TMEM94: variants seen among roughly 807,000 people sequenced by gnomAD.
The protein encoded by TMEM94 is ER Mg2+ ATPase.
Under a neutral mutation model 158.6 loss-of-function variants are expected in TMEM94, and 81 were observed. The ratio of observed to expected loss-of-function variants is 0.51; its 90% confidence interval spans 0.43 to 0.61. The LOEUF is 0.61. TMEM94 is among the 20% of genes least tolerant of loss of function. TMEM94 has a pLI of 0.00. For synonymous variants in TMEM94, 751 were observed against 730.7 expected (o/e 1.03, Z -0.45); for missense variants, 1,435 against 1,762.0 (o/e 0.81, Z 3.32).
chr17:75,459,064 AAAAAAC>A (rs1390532123), intron 1 of TMEM94, among the ~76,000 whole-genome samples: 1 of 151,930 alleles, frequency 6.6e-6, no homozygotes, highest in Non-Finnish European at 1.5e-5. Flanking sequence ...CTCAAAAAAA[AAAAAAC>A]AAAAAAAACA....
At chr17:75,474,486 CA>C (rs2050603304) in intron 2 of TMEM94, among the ~76,000 whole-genome samples, 1 of 152,050 alleles carries the variant, frequency 6.6e-6, no homozygotes, top group South Asian at 2.1e-4. Context: ...ACTAAAAATA[CA>C]AAAATTAGCC....
Position 75,489,700 on chromosome 17 carries a change from C to T in TMEM94, c.954+38C>T, listed in dbSNP as rs8079362. On this transcript the variant is annotated intron_variant, in intron 9 of 31. Coordinates refer to ENST00000314256, the MANE Select transcript of TMEM94 (RefSeq NM_014738.6). This position sits in a 1 kb window ranked among gnomAD's most constrained non-coding sequence, Gnocchi z 5.0. ...CTGTCCTCTCTGTCATGCTTCCCTC[C>T]GACCCGCAGGGCTGGCTCTTCTCCT... The T allele has an allele frequency of 0.64, 997,439 of 1,551,712 alleles. 333,350 individuals are homozygous for T. Among genetic ancestry groups the T allele is most frequent in the Non-Finnish European group, 0.69 (773,462 of 1,124,554 alleles).
In TMEM94 at chr17:75,488,811, C is replaced by G. The variant is rs2051865999; in HGVS notation, c.665C>G (p.Pro222Arg). ...EPGDLFPPFSPPPSPRGEVER... is the reference protein window; with the variant it reads ...EPGDLFPPFSRPPSPRGEVER... Reference sequence around the variant, plus strand: ...GGAGACCTCTTCCCCCCCTTCTCCCCTCCACCCTCACCCCGGGGAGAAGTG... The same window carrying G: ...GGAGACCTCTTCCCCCCCTTCTCCCGTCCACCCTCACCCCGGGGAGAAGTG... The change falls in exon 7 of 32, where the codon CCT becomes CGT. Residue 222 changes from proline to arginine, a missense_variant. Physicochemically the swap from Pro to Arg is moderately radical, Grantham distance 103 (BLOSUM62 -2). Around this residue, in one of 3 missense-constraint regions of TMEM94, gnomAD observed 1,051 missense variants for 1,254.4 expected, o/e 0.84. Coordinates refer to ENST00000314256, the MANE Select transcript of TMEM94 (RefSeq NM_014738.6). 3.1e-6 allele frequency: 5 copies of G among 1,613,392 alleles called. No individual in the cohort carries two copies. Among genetic ancestry groups the G allele is most frequent in the Non-Finnish European group, 4.2e-6 (5 of 1,179,658 alleles).
chr17:75,488,718 T>C (rs773065428), intron 6 of TMEM94, 41 bp from the exon 7 acceptor site: 1 of 1,609,614 alleles, frequency 6.2e-7, no homozygotes, highest in East Asian at 2.2e-5. Context: ...TGGCCTCTGA[T>C]AGGACCCTCT....
rs1407062069 is a variant in TMEM94, at chr17:75,495,090, C to T, written c.2728+56C>T. ...GTGGCGGTGGGAGGATTCCCCTCCT[C>T]AGAGCCACAGCCAGGAAGAGCCTCC... On this transcript the variant is annotated intron_variant, in intron 20 of 31. Transcript: ENST00000314256. The surrounding 1 kb of genome is among the most constrained non-coding windows in gnomAD (Gnocchi z 5.6). 2 of 1,590,416 alleles carry T rather than the reference C, an allele frequency of 1.3e-6. No individual in the cohort carries two copies. The highest frequency in any genetic ancestry group is 4.5e-5 in the East Asian group (2 of 44,574).
At chr17:75,486,217 G>A in intron 4 of TMEM94, 73 bp from the exon 5 acceptor site, 1 of 1,592,734 alleles carries the variant, frequency 6.3e-7, no homozygotes, top group Non-Finnish European at 8.6e-7. Context: ...GGGAAGGGGA[G>A]CTGTGGCCTG....
chr17:75,488,862 A>G lies in TMEM94; in HGVS notation c.716A>G (p.Gln239Arg). Reference sequence around the variant, plus strand: ...GAGAGAGGGCCACAGAGCCCCCAGCAGCACCGGCTTTTCCGTGTCCTTGAG... The same window carrying G: ...GAGAGAGGGCCACAGAGCCCCCAGCGGCACCGGCTTTTCCGTGTCCTTGAG... Reference protein sequence around the residue: ...EVERGPQSPQQHRLFRVLETP... With the variant: ...EVERGPQSPQRHRLFRVLETP... Residue 239 changes from glutamine (Q) to arginine (R), a missense_variant, in exon 7 of 32, where the codon CAG (glutamine) becomes CGG (arginine). Gln to Arg is a conservative substitution (Grantham distance 43). Transcript: ENST00000314256. The G allele has an allele frequency of 1.9e-6, 3 of 1,611,706 alleles. No individual in the cohort carries two copies. Among genetic ancestry groups the G allele is most frequent in the Non-Finnish European group, 2.5e-6 (3 of 1,178,456 alleles).
At chr17:75,488,592 T>G (rs12453793) in intron 6 of TMEM94, among the ~76,000 whole-genome samples, 167 bp from the exon 7 acceptor site, 2 of 152,166 alleles carry the variant, frequency 1.3e-5, no homozygotes, top group Non-Finnish European at 2.9e-5. Flanking sequence ...CCCTGTGCTG[T>G]TCTTTATTCT....
chr17:75,480,852 G>A (rs536989753), intron 2 of TMEM94, among the ~76,000 whole-genome samples: 2 of 152,298 alleles, frequency 1.3e-5, no homozygotes, highest in African/African-American at 2.4e-5. Context: ...CCTGCCTTCA[G>A]TGTGTTTCTC....
At position 75,497,739 on chromosome 17, in the gene TMEM94, G is replaced by A. The variant is rs754041728; in HGVS notation, c.3408-42G>A. On this transcript the variant is annotated intron_variant, in intron 26 of 31. Transcript: ENST00000314256. ...CCCTCTATGAGAATTGAGGGACAGA[G>A]GGTCATTGTCACCATCCCTCTACCT... The A allele has an allele frequency of 3.3e-6, 5 of 1,517,962 alleles. No homozygotes were observed. In the East Asian group the frequency reaches 6.7e-5, roughly 20 times the overall value. 94.0% of individuals were successfully genotyped at this position (1,517,962 alleles called of 1,614,324 possible). A position where few individuals can be genotyped will look rare whatever the true frequency, so the allele number is the denominator to read the frequency against.
intron 10 of TMEM94, 67 bp downstream of exon 10, chr17:75,490,417 G>A: frequency 6.5e-7 from 1 of 1,548,478 alleles, no homozygotes; most frequent in South Asian, 1.2e-5. Context: ...TGTGCCAGAG[G>A]ACGGGGGCAG....
In TMEM94 at chr17:75,495,246, C is replaced by A; in HGVS notation, c.2729-38C>A. The A allele has an allele frequency of 6.6e-7, 1 of 1,520,968 alleles. No homozygotes were observed. Among genetic ancestry groups the A allele is most frequent in the Non-Finnish European group, 9.0e-7 (1 of 1,113,278 alleles). The allele number at this position is 1,520,968 out of a possible 1,614,324, so 94.2% of individuals were successfully genotyped here. A position where few individuals can be genotyped will look rare whatever the true frequency, so the allele number is the denominator to read the frequency against. On this transcript the variant is annotated intron_variant, in intron 20 of 31. Coordinates refer to ENST00000314256, the MANE Select transcript of TMEM94 (RefSeq NM_014738.6). This position sits in a 1 kb window ranked among gnomAD's most constrained non-coding sequence, Gnocchi z 5.6. ...AGGGCAAGGACAGGTTCCCAGAAGG[C>A]TGGTCCCAAGGTGAGGGAGAGGCTT...
chr17:75,465,679 ATT>A (rs66618031), intron 1 of TMEM94, among the ~76,000 whole-genome samples: 2,393 of 124,760 alleles, frequency 0.019, 45 homozygotes, highest in Non-Finnish European at 0.028. Context: ...ATATATATAT[ATT>A]TTTTTTTAAT....
chr17:75,498,662 AGCCCCTGTGGAGAAAGAG>A lies in TMEM94; in HGVS notation c.3768_3785del (p.Lys1256_Ser1262delinsAsn). On this transcript the variant is annotated inframe_deletion, in exon 30 of 32. Transcript: ENST00000314256. The surrounding 1 kb of genome is among the most constrained non-coding windows in gnomAD (Gnocchi z 6.7). Reference sequence around the variant, plus strand: ...TCCATCACCCATGTGCATCGCACCAAGCCCCTGTGGAGAAAGAGCCCCTTGACCAACCTCTGGTGGGCC... The same window carrying A: ...TCCATCACCCATGTGCATCGCACCAACCCCTTGACCAACCTCTGGTGGGCC... 6.2e-7 allele frequency: 1 copy of A among 1,602,874 alleles called. No homozygotes were observed. The highest frequency in any genetic ancestry group is 8.5e-7 in the Non-Finnish European group (1 of 1,174,314).
chr17:75,468,185 C>T (rs1481852183), intron 1 of TMEM94, among the ~76,000 whole-genome samples: 2 of 152,106 alleles, frequency 1.3e-5, no homozygotes, highest in South Asian at 2.1e-4. Flanking sequence ...GCAGAACTGG[C>T]CCTTTAAAGA....
chr17:75,495,890 G>T lies in TMEM94; in HGVS notation c.2945-76G>T, dbSNP rs2052632852. On this transcript the variant is annotated intron_variant, in intron 22 of 31. Coordinates refer to ENST00000314256, the MANE Select transcript of TMEM94 (RefSeq NM_014738.6). This position sits in a 1 kb window ranked among gnomAD's most constrained non-coding sequence, Gnocchi z 5.6. ...ACCTCCCATCGCCTCCTGCTCTCCTGTCCCATGGGTCTCTGCCCAGTGCCC... is the reference window on the plus strand; with the variant it reads ...ACCTCCCATCGCCTCCTGCTCTCCTTTCCCATGGGTCTCTGCCCAGTGCCC... The T allele has an allele frequency of 1.8e-6, 2 of 1,095,222 alleles. No individual in the cohort carries two copies. The highest frequency in any genetic ancestry group is 1.4e-6 in the Non-Finnish European group (1 of 726,258). 67.8% of individuals were successfully genotyped at this position (1,095,222 alleles called of 1,614,324 possible). A position where few individuals can be genotyped will look rare whatever the true frequency, so the allele number is the denominator to read the frequency against.
intron 2 of TMEM94, among the ~76,000 whole-genome samples, chr17:75,480,962 G>A (rs546921447): frequency 2.1e-4 from 32 of 152,182 alleles, no homozygotes; most frequent in Non-Finnish European, 4.6e-4. Flanking sequence ...GGCTGAGCCT[G>A]AGGGGAAGAC....
Position 75,495,760 on chromosome 17 carries a change from G to T in TMEM94, c.2944+117G>T. On this transcript the variant is annotated intron_variant, in intron 22 of 31. Transcript: ENST00000314256. The surrounding 1 kb of genome is among the most constrained non-coding windows in gnomAD (Gnocchi z 5.6). ...TAGGTTTCCCATGCAGGGAGTAAAG[G>T]AACCTGGGCTGGGATCAGCTGGGGA... 9.8e-7 allele frequency: 1 copy of T among 1,021,226 alleles called. No homozygotes were observed. The highest frequency in any genetic ancestry group is 1.5e-5 in the South Asian group (1 of 68,962). 63.3% of individuals were successfully genotyped at this position (1,021,226 alleles called of 1,614,324 possible). A position where few individuals can be genotyped will look rare whatever the true frequency, so the allele number is the denominator to read the frequency against.
chr17:75,493,545 C>T lies in TMEM94; in HGVS notation c.2141C>T (p.Thr714Ile), dbSNP rs1330940986. 2.5e-6 allele frequency: 4 copies of T among 1,614,088 alleles called. No individual in the cohort carries two copies. The Admixed American group carries it at 6.7e-5, about 27-fold the overall frequency. ...GCTGATGTGGTCTTAGAGGCCTGCA[C>T]AGACTTCTGGGACGGAGCTGACATC... ...GTADVVLEAC[T>I]DFWDGADIYP... The change falls in exon 17 of 32, where the codon ACA (threonine) becomes ATA (isoleucine). Residue 714 changes from threonine to isoleucine, a missense_variant. Thr to Ile is a moderately conservative substitution (Grantham distance 89). Coordinates refer to ENST00000314256, the MANE Select transcript of TMEM94 (RefSeq NM_014738.6).
Sources: allele counts gnomAD v4.1 joint callset (sites outside exome capture counted in the v4.1 genomes callset), GRCh38; gene constraint gnomAD v4.1.1; regional missense constraint gnomAD v4.1.1; non-coding constraint Gnocchi (gnomAD v3.1); transcripts MANE v1.5; gene names NCBI Gene and HGNC (gene_info 2026-07-23, HGNC 2026-07-21).